R3HCC1: variants seen among roughly 807,000 people sequenced by gnomAD.
The protein encoded by R3HCC1 is R3H and coiled-coil domain-containing protein 1.
R3HCC1 carries 32 observed loss-of-function variants against 40.0 expected under a neutral mutation model. The ratio of observed to expected loss-of-function variants is 0.80; its 90% CI spans 0.60 to 1.07. The LOEUF (loss-of-function observed/expected upper bound fraction) is 1.07, where lower values mean the gene tolerates loss of function less well. R3HCC1 is among the 50% of genes least tolerant of loss of function. R3HCC1 has a pLI of 0.00. For synonymous variants in R3HCC1, 237 were observed against 232.8 expected (o/e 1.02, Z -0.17); for missense variants, 586 against 563.3 (o/e 1.04, Z -0.41).
In R3HCC1 at chr8:23,294,628, G is replaced by C. The variant is rs1802948958; in HGVS notation, c.1097-141G>C. The C allele has an allele frequency of 4.5e-6, 3 of 662,916 alleles. No individual in the cohort carries two copies. In the African/African-American group the frequency reaches 5.4e-5, roughly 12 times the overall value. 41.1% of individuals were successfully genotyped at this position (662,916 alleles called of 1,614,324 possible). On this transcript the variant is annotated intron_variant, in intron 6 of 7. Coordinates refer to ENST00000265806, the MANE Select transcript of R3HCC1 (RefSeq NM_001136108.3). ...GGCAAGCAGGCGGCAGTCGTCTCTT[G>C]CCCATCCAGGGCGGTGTCGGAGCAG...
chr8:23,289,244 A>G, intron 3 of R3HCC1, 91 bp downstream of exon 3: 5 of 1,410,768 alleles, frequency 3.5e-6, no homozygotes, highest in Non-Finnish European at 4.8e-6. Context: ...GGCTGGGGGG[A>G]ACCAGGGCTG....
intron 5 of R3HCC1, among the ~76,000 whole-genome samples, chr8:23,293,038 G>A (rs899473924): frequency 2.0e-5 from 3 of 152,190 alleles, no homozygotes; most frequent in African/African-American, 7.2e-5. Flanking sequence ...TGCCATATGA[G>A]CTCTTTGAGT....
In R3HCC1 at chr8:23,290,164, G is replaced by A. The variant is rs1293971978; in HGVS notation, c.547G>A (p.Gly183Arg). The A allele has an allele frequency of 6.4e-7, 1 of 1,551,552 alleles. No individual in the cohort carries two copies. Among genetic ancestry groups the A allele is most frequent in the African/African-American group, 1.4e-5 (1 of 73,050 alleles). The change falls in exon 4 of 8, where the codon GGA becomes AGA. Residue 183 changes from glycine (G) to arginine (R), a missense_variant. Transcript: ENST00000265806. ...TGCTGGAGACCCCAACTCTGATCAG[G>A]GACTCCCTGTGCTGATGACTCAGGG...
chr8:23,288,205 C>A, intron 1 of R3HCC1, 48 bp downstream of exon 1: 13 of 1,208,660 alleles, frequency 1.1e-5, no homozygotes, highest in South Asian at 1.6e-5. Flanking sequence ...CCCCGGGCTC[C>A]CGGGTGGGAA....
In R3HCC1 at chr8:23,291,487, C is replaced by T; in HGVS notation, c.979C>T (p.Pro327Ser). Residue 327 changes from proline to serine, a missense_variant, in exon 5 of 8, where the codon CCA (proline) becomes TCA (serine). Physicochemically the swap from Pro to Ser is moderately conservative, Grantham distance 74. Transcript: ENST00000265806. ...CGTGGTAGAGATCTATGACTTTGAA[C>T]CAGCGCTCAAGACGGAGGACCTGCT... 6 of 1,551,550 alleles carry T rather than the reference C, an allele frequency of 3.9e-6. No individual in the cohort carries two copies. The highest frequency in any genetic ancestry group is 5.2e-6 in the Non-Finnish European group (6 of 1,146,948).
At chr8:23,288,395 C>T (rs982353439) in intron 1 of R3HCC1, 111 bp from the exon 2 acceptor site, 4 of 1,420,142 alleles carry the variant, frequency 2.8e-6, no homozygotes, top group Non-Finnish European at 3.8e-6. Context: ...TCCCCGCCAC[C>T]GAGCCTTGGA....
At chr8:23,294,570 CCCTGTGCGGG>C (rs1226430184) in intron 6 of R3HCC1, among the ~76,000 whole-genome samples, 189 bp from the exon 7 acceptor site, 5 of 152,204 alleles carry the variant, frequency 3.3e-5, no homozygotes, top group Non-Finnish European at 5.9e-5. Flanking sequence ...GCGCAGGTGT[CCCTGTGCGGG>C]CCTGTGGGGC....
intron 2 of R3HCC1, 121 bp from the exon 3 acceptor site, chr8:23,288,895 C>G: frequency 8.5e-7 from 1 of 1,170,336 alleles, no homozygotes; most frequent in South Asian, 1.5e-5. Flanking sequence ...CCTTTGCAGT[C>G]CATCTGGGAC....
chr8:23,294,978 A>G, intron 7 of R3HCC1, 114 bp downstream of exon 7: 1 of 797,118 alleles, frequency 1.3e-6, no homozygotes, highest in Non-Finnish European at 2.1e-6. Context: ...CCCCTCTGTT[A>G]ATTCTTCCCG....
chr8:23,289,906 C>A lies in R3HCC1; in HGVS notation c.289C>A (p.Pro97Thr). 6.5e-7 allele frequency: 1 copy of A among 1,533,650 alleles called. No homozygotes were observed. Among genetic ancestry groups the A allele is most frequent in the Non-Finnish European group, 8.7e-7 (1 of 1,145,366 alleles). ...TGGCCTCTCTGGCCCCTGCCGCGCTCCTGCCTCCTGCCCCAGCAGGTACCA... is the reference window on the plus strand; with the variant it reads ...TGGCCTCTCTGGCCCCTGCCGCGCTACTGCCTCCTGCCCCAGCAGGTACCA... The change falls in exon 4 of 8, where the codon CCT (proline) becomes ACT (threonine). Residue 97 changes from proline to threonine, a missense_variant. Transcript: ENST00000265806.
Position 23,291,443 on chromosome 8 carries a change from G to A in R3HCC1, c.935G>A (p.Gly312Glu). ...TCCTCCTTCGTGGAGGAGCTGCCTGGAGAGAAGGACCTTGCCCACGTGGTA... is the reference window on the plus strand; with the variant it reads ...TCCTCCTTCGTGGAGGAGCTGCCTGAAGAGAAGGACCTTGCCCACGTGGTA... Residue 312 changes from glycine to glutamate, a missense_variant, in exon 5 of 8, where the codon GGA becomes GAA. Gly to Glu is a moderately conservative substitution (Grantham distance 98). Coordinates refer to ENST00000265806, the MANE Select transcript of R3HCC1 (RefSeq NM_001136108.3). 6.4e-7 allele frequency: 1 copy of A among 1,551,704 alleles called. No individual in the cohort carries two copies. Among genetic ancestry groups the A allele is most frequent in the Non-Finnish European group, 8.7e-7 (1 of 1,146,946 alleles).
chr8:23,291,364 A>G lies in R3HCC1; in HGVS notation c.856A>G (p.Thr286Ala). 6.4e-7 allele frequency: 1 copy of G among 1,551,678 alleles called. No homozygotes were observed. Among genetic ancestry groups the G allele is most frequent in the Non-Finnish European group, 8.7e-7 (1 of 1,146,858 alleles). Residue 286 changes from threonine to alanine, a missense_variant, in exon 5 of 8, where the codon ACA (threonine) becomes GCA (alanine). Thr to Ala is a moderately conservative substitution (Grantham distance 58). Coordinates refer to ENST00000265806, the MANE Select transcript of R3HCC1 (RefSeq NM_001136108.3). The stretch of plus-strand genomic sequence containing the variant: ...CTAAGGGTCCGATCTCTCCTAGATC[A>G]CAGACAACCTGACGAAGAAGGAGAT...
At position 23,290,307 on chromosome 8, in the gene R3HCC1, G is replaced by T. The variant is rs1252110810; in HGVS notation, c.690G>T (p.Met230Ile). 6.4e-7 allele frequency: 1 copy of T among 1,551,680 alleles called. No homozygotes were observed. Among genetic ancestry groups the T allele is most frequent in the Non-Finnish European group, 8.7e-7 (1 of 1,147,018 alleles). The change falls in exon 4 of 8, where the codon ATG becomes ATT. Residue 230 changes from methionine (M) to isoleucine (I), a missense_variant. Coordinates refer to ENST00000265806, the MANE Select transcript of R3HCC1 (RefSeq NM_001136108.3). ...CAGGGAAGGGAGACATGGTGGAGAT[G>T]GCCACACGGTTTGGGTCCACCCTGC...
In R3HCC1 at chr8:23,293,367, G is replaced by T. The variant is rs1802915323; in HGVS notation, c.1090G>T (p.Ala364Ser). 1.3e-6 allele frequency: 2 copies of T among 1,550,680 alleles called. No individual in the cohort carries two copies. Among genetic ancestry groups the T allele is most frequent in the South Asian group, 2.4e-5 (2 of 84,024 alleles). The change falls in exon 6 of 8, where the codon GCC (alanine) becomes TCC (serine). Residue 364 changes from alanine (A) to serine (S), a missense_variant. By Grantham distance (99) the Ala-to-Ser change is moderately conservative. Coordinates refer to ENST00000265806, the MANE Select transcript of R3HCC1 (RefSeq NM_001136108.3). ...CGCACTCGGCATCTTTCCCTGCCTGGCCTCAGGTAAGGCACCCCCAGTGGG... is the reference window on the plus strand; with the variant it reads ...CGCACTCGGCATCTTTCCCTGCCTGTCCTCAGGTAAGGCACCCCCAGTGGG...
intron 2 of R3HCC1, 48 bp from the exon 3 acceptor site, chr8:23,288,961 TGGTAGGG>T: frequency 6.5e-7 from 1 of 1,527,430 alleles, no homozygotes; most frequent in Non-Finnish European, 8.8e-7. Context: ...GGAGTGGACC[TGGTAGGG>T]GCCAGGCCCT....
Position 23,289,943 on chromosome 8 carries a change from C to G in R3HCC1, c.326C>G (p.Pro109Arg). ...CCCAGCAGGTACCACGGTCCTCGGC[C>G]CATCTCCAACCAAGGAGCAGCTGCG... The change falls in exon 4 of 8, where the codon CCC becomes CGC. Residue 109 changes from proline (P) to arginine (R), a missense_variant. Coordinates refer to ENST00000265806, the MANE Select transcript of R3HCC1 (RefSeq NM_001136108.3). The G allele has an allele frequency of 6.5e-7, 1 of 1,536,196 alleles. No homozygotes were observed. The highest frequency in any genetic ancestry group is 2.4e-5 in the East Asian group (1 of 40,924).
intron 5 of R3HCC1, 106 bp from the exon 6 acceptor site, chr8:23,293,197 C>CA: frequency 3.6e-6 from 3 of 840,048 alleles, no homozygotes; most frequent in Non-Finnish European, 5.8e-6. Context: ...TTGCCTCAGG[C>CA]TGGTGGCATC....
Position 23,289,108 on chromosome 8 carries a change from G to A in R3HCC1, c.203G>A (p.Gly68Glu). The stretch of plus-strand genomic sequence containing the variant: ...GATCTCTTGAGCAGCTTCTCCGTTG[G>A]GGAGGGCTGGAAGAGGAGGACGGTC... Residue 68 changes from glycine to glutamate, a missense_variant, in exon 3 of 8, where the codon GGG becomes GAG. By Grantham distance (98) the Gly-to-Glu change is moderately conservative. Transcript: ENST00000265806. The A allele has an allele frequency of 6.5e-7, 1 of 1,536,404 alleles. No individual in the cohort carries two copies. The highest frequency in any genetic ancestry group is 1.4e-5 in the African/African-American group (1 of 73,174).
chr8:23,289,744 T>G (rs1474626920), intron 3 of R3HCC1, 122 bp from the exon 4 acceptor site: 2 of 1,344,682 alleles, frequency 1.5e-6, no homozygotes, highest in South Asian at 1.5e-5. Flanking sequence ...GAGGGTCATT[T>G]TGGCTGTGGT....
Sources: allele counts gnomAD v4.1 joint callset (sites outside exome capture counted in the v4.1 genomes callset), GRCh38; gene constraint gnomAD v4.1.1; transcripts MANE v1.5; gene names NCBI Gene and HGNC (gene_info 2026-07-23, HGNC 2026-07-21).